CDH20: variants seen among roughly 807,000 people sequenced by gnomAD.
CDH20 encodes the protein cadherin-20.
A neutral mutation model predicts 74.2 loss-of-function variants in CDH20; 29 were observed. That is an observed-to-expected ratio of 0.39 (90% confidence interval 0.29 to 0.53). The LOEUF (loss-of-function observed/expected upper bound fraction) is 0.53. Among genes scored for constraint, CDH20 ranks in the 20% least tolerant of loss-of-function variants. The probability of loss-of-function intolerance (pLI) is 0.69; values close to 1 mark genes in which losing one functional copy is unlikely to be tolerated. For synonymous variants in CDH20, 469 were observed against 405.4 expected (o/e 1.16, Z -1.88); for missense variants, 988 against 1,048.3 (o/e 0.94, Z 0.79).
intron 9 of CDH20, among the ~76,000 whole-genome samples, chr18:61,541,597 T>A (rs181768067): frequency 1.0e-3 from 154 of 152,286 alleles, no homozygotes; most frequent in African/African-American, 3.2e-3. Flanking sequence ...TCTGTCCCAT[T>A]TGTCACCTTT....
At position 61,333,532 on chromosome 18, in the gene CDH20, G is replaced by C. The variant is rs2144071592; in HGVS notation, c.-448G>C. On this transcript the variant is annotated 5_prime_UTR_variant, in exon 1 of 12. Transcript: ENST00000262717. ...GGGGGCTCTTCTCACTGGACAGGCC[G>C]AACGCGGTGGCCGCGGGAGGGCAGG... The C allele has an allele frequency of 6.6e-6, 1 of 152,534 alleles. No individual in the cohort carries two copies. The highest frequency in any genetic ancestry group is 2.1e-4 in the South Asian group (1 of 4,830). 9.4% of individuals were successfully genotyped at this position (152,534 alleles called of 1,614,324 possible).
chr18:61,531,443 G>T (rs1019324421), intron 7 of CDH20, among the ~76,000 whole-genome samples: 1 of 152,198 alleles, frequency 6.6e-6, no homozygotes, highest in East Asian at 1.9e-4. Flanking sequence ...CATGTGTCAG[G>T]AGCTGAAAGA....
At chr18:61,418,752 AT>A (rs1912782806) in intron 1 of CDH20, among the ~76,000 whole-genome samples, 1 of 152,068 alleles carries the variant, frequency 6.6e-6, no homozygotes, top group African/African-American at 2.4e-5. Context: ...ACCTGAATAC[AT>A]TTTTATGCAA....
At chr18:61,385,644 A>C (rs1014984025) in intron 1 of CDH20, among the ~76,000 whole-genome samples, 1 of 152,142 alleles carries the variant, frequency 6.6e-6, no homozygotes, top group African/African-American at 2.4e-5. Flanking sequence ...AGATATTAAC[A>C]GTTTACAGCT....
intron 1 of CDH20, among the ~76,000 whole-genome samples, chr18:61,425,870 ATAAT>A (rs983103994): frequency 1.3e-5 from 2 of 152,234 alleles, no homozygotes; most frequent in African/African-American, 2.4e-5. Flanking sequence ...TAAAAAATAA[ATAAT>A]TAAAGATCTA....
chr18:61,524,866 A>G (rs1912332674), intron 6 of CDH20, among the ~76,000 whole-genome samples: 1 of 152,098 alleles, frequency 6.6e-6, no homozygotes, highest in African/African-American at 2.4e-5. Context: ...CGTTGCAGTG[A>G]GCCCAGATTA....
chr18:61,420,338 T>C (rs1376121964), intron 1 of CDH20, among the ~76,000 whole-genome samples: 1 of 150,736 alleles, frequency 6.6e-6, no homozygotes, highest in East Asian at 2.0e-4. Context: ...CAACATGTCA[T>C]TCAGCCTGTC....
intron 1 of CDH20, among the ~76,000 whole-genome samples, chr18:61,465,899 A>G (rs963353476): frequency 6.6e-6 from 1 of 152,004 alleles, no homozygotes; most frequent in South Asian, 2.1e-4. Context: ...CTCTAAAAAA[A>G]AAATTTACAA....
intron 1 of CDH20, among the ~76,000 whole-genome samples, chr18:61,433,129 G>T (rs985814372): frequency 1.3e-5 from 2 of 151,958 alleles, no homozygotes; most frequent in East Asian, 3.9e-4. Flanking sequence ...TGTAAAATGG[G>T]GATAAATGGT....
chr18:61,465,478 GA>G (rs1909928334), intron 1 of CDH20, among the ~76,000 whole-genome samples: 1 of 151,998 alleles, frequency 6.6e-6, no homozygotes, highest in Non-Finnish European at 1.5e-5. Flanking sequence ...GTAGCAATAA[GA>G]ATCTCAGAGT....
chr18:61,438,686 A>G (rs1908918594), intron 1 of CDH20, among the ~76,000 whole-genome samples: 1 of 152,176 alleles, frequency 6.6e-6, no homozygotes, highest in African/African-American at 2.4e-5. Flanking sequence ...CACTGTGGAA[A>G]GGAGTTTGGA....
chr18:61,377,753 G>A (rs916776661), intron 1 of CDH20, among the ~76,000 whole-genome samples: 5 of 151,732 alleles, frequency 3.3e-5, no homozygotes, highest in African/African-American at 9.7e-5. Context: ...TTAATATTAC[G>A]ATATATCTGT....
chr18:61,527,366 A>ATAGATAGATAGATAGATAG (rs1555683341), intron 6 of CDH20, among the ~76,000 whole-genome samples: 7 of 142,148 alleles, frequency 4.9e-5, no homozygotes, highest in African/African-American at 1.5e-4. Flanking sequence ...TGAATATTCT[A>ATAGATAGATAGATAGATAG]ATAGATAGAT....
intron 2 of CDH20, among the ~76,000 whole-genome samples, chr18:61,493,813 A>T (rs1911042007): frequency 6.6e-6 from 1 of 152,228 alleles, no homozygotes; most frequent in Non-Finnish European, 1.5e-5. Flanking sequence ...AGAAAAGAGT[A>T]TGTTTGTATT....
intron 7 of CDH20, 138 bp from the exon 8 acceptor site, chr18:61,536,355 C>T (rs975077471): frequency 1.3e-5 from 8 of 625,402 alleles, no homozygotes; most frequent in Admixed American, 2.6e-5. Context: ...AATAAAACCA[C>T]GAATGCAGTC....
chr18:61,505,845 CTT>C (rs1381648478), intron 5 of CDH20, among the ~76,000 whole-genome samples: 2 of 152,164 alleles, frequency 1.3e-5, no homozygotes, highest in African/African-American at 4.8e-5. Context: ...CCTTTTAAAA[CTT>C]TGCATTCTCT....
chr18:61,359,648 A>G (rs1400254593), intron 1 of CDH20, among the ~76,000 whole-genome samples: 1 of 152,214 alleles, frequency 6.6e-6, no homozygotes, highest in Non-Finnish European at 1.5e-5. Context: ...AAAGAAAGTT[A>G]TCAAGTTGTC....
chr18:61,519,878 T>A (rs1912130775), intron 6 of CDH20, among the ~76,000 whole-genome samples: 1 of 146,610 alleles, frequency 6.8e-6, no homozygotes, highest in South Asian at 2.1e-4. Context: ...AGGAGACACA[T>A]CTAACATGCA....
intron 1 of CDH20, among the ~76,000 whole-genome samples, chr18:61,384,255 A>G (rs1911526114): frequency 6.6e-6 from 1 of 152,178 alleles, no homozygotes; most frequent in Non-Finnish European, 1.5e-5. Context: ...ATCGTTTATC[A>G]TCATCATTCA....
Sources: gnomAD v4.1 joint callset for allele counts (sites outside exome capture counted in the v4.1 genomes callset) on GRCh38, gnomAD v4.1.1 for gene constraint, MANE v1.5 for transcripts, NCBI Gene and HGNC (gene_info 2026-07-23, HGNC 2026-07-21) for gene names.